Variants in PTPN12 observed in about 807,000 individuals in gnomAD.
The protein encoded by PTPN12 is tyrosine-protein phosphatase non-receptor type 12.
In PTPN12, 29 loss-of-function variants were observed where a neutral mutation model predicts 97.6. The observed-to-expected ratio is 0.30, with a 90% CI of 0.22 to 0.41. The LOEUF (loss-of-function observed/expected upper bound fraction) is 0.41, where lower values mean the gene tolerates loss of function less well. Ranked by LOEUF, PTPN12 falls within the 10% of genes least tolerant of loss-of-function variation. The pLI is 1.00. For synonymous variants in PTPN12, 327 were observed against 300.4 expected (o/e 1.09, Z -0.91); for missense variants, 819 against 926.0 (o/e 0.88, Z 1.50).
At chr7:77,590,872 T>G (rs1300126053) in intron 5 of PTPN12, among the ~76,000 whole-genome samples, 1 of 150,296 alleles carries the variant, frequency 6.7e-6, no homozygotes, top group Non-Finnish European at 1.5e-5. Context: ...CCTCCATCTA[T>G]TAAAAAAAAA....
At chr7:77,575,466 C>T (rs1305302818) in intron 2 of PTPN12, among the ~76,000 whole-genome samples, 1 of 152,124 alleles carries the variant, frequency 6.6e-6, no homozygotes, top group Admixed American at 6.5e-5. Flanking sequence ...TATGATTGCA[C>T]CACTGCACTC....
intron 12 of PTPN12, among the ~76,000 whole-genome samples, chr7:77,622,003 C>A (rs528426739): frequency 5.3e-5 from 8 of 152,148 alleles, no homozygotes; most frequent in Non-Finnish European, 1.0e-4. Context: ...TGCTCTTTTG[C>A]GCAGGCTGGA....
intron 16 of PTPN12, among the ~76,000 whole-genome samples, chr7:77,637,295 G>C (rs1789628840): frequency 6.6e-6 from 1 of 152,092 alleles, no homozygotes; most frequent in Non-Finnish European, 1.5e-5. Context: ...ATGGGAAAGA[G>C]ATTTTTTAAA....
At position 77,581,500 on chromosome 7, in the gene PTPN12, A is replaced by G; in HGVS notation, c.282A>G (p.Ile94Met). The G allele has an allele frequency of 6.4e-7, 1 of 1,562,722 alleles. No homozygotes were observed. The highest frequency in any genetic ancestry group is 1.1e-5 in the South Asian group (1 of 88,752). Reference sequence around the variant, plus strand: ...CAGACTATATCAATGCAAATTTTATAAAGGTATGTACTAACTTTAAATGGT... The same window carrying G: ...CAGACTATATCAATGCAAATTTTATGAAGGTATGTACTAACTTTAAATGGT... ...QDSDYINANF[I>M]KGVYGPKAYV... Residue 94 changes from isoleucine (I) to methionine (M), a missense_variant, in exon 3 of 18, where the codon ATA (isoleucine) becomes ATG (methionine). By Grantham distance (10) the Ile-to-Met change is conservative (BLOSUM62 1). Coordinates refer to ENST00000248594, the MANE Select transcript of PTPN12 (RefSeq NM_002835.4).
At chr7:77,612,424 A>C (rs1271850147) in intron 11 of PTPN12, among the ~76,000 whole-genome samples, 1 of 152,122 alleles carries the variant, frequency 6.6e-6, no homozygotes, top group African/African-American at 2.4e-5. Flanking sequence ...GTAGAATCAA[A>C]TGTGTTTTTG....
chr7:77,625,472 G>GCTCTCTCTCTCTCTCTCTCTCT lies in PTPN12; in HGVS notation c.1026-1203_1026-1182dup, dbSNP rs775712037. On this transcript the variant is annotated intron_variant, in intron 12 of 17. Coordinates refer to ENST00000248594, the MANE Select transcript of PTPN12 (RefSeq NM_002835.4). ...TTTTGCCATATTGCCCAGGCTGCTC[G>GCTCTCTCTCTCTCTCTCTCTCT]CTCTCTCTCTCTCTCTCTCTCTCTC... 9.2e-4 allele frequency among the ~76,000 whole-genome samples: 31 copies of GCTCTCTCTCTCTCTCTCTCTCT among 33,516 alleles called. 1 individual carries two copies. Among genetic ancestry groups the GCTCTCTCTCTCTCTCTCTCTCT allele is most frequent in the Admixed American group, 1.5e-3 (3 of 1,982 alleles). The allele number at this position is 33,516 out of a possible 152,430, so 22.0% of individuals were successfully genotyped here.
chr7:77,605,563 G>C (rs930246931), intron 8 of PTPN12, among the ~76,000 whole-genome samples: 1 of 149,068 alleles, frequency 6.7e-6, no homozygotes, highest in Non-Finnish European at 1.5e-5. Context: ...GGGATTACAG[G>C]CGCCCACTAC....
intron 14 of PTPN12, among the ~76,000 whole-genome samples, chr7:77,634,676 C>G (rs1218286262): frequency 6.6e-6 from 1 of 151,966 alleles, no homozygotes; most frequent in African/African-American, 2.4e-5. Flanking sequence ...CTCCTGACCT[C>G]ATGATCCGCC....
intron 1 of PTPN12, among the ~76,000 whole-genome samples, chr7:77,555,423 G>A (rs1023638515): frequency 1.3e-5 from 2 of 151,810 alleles, no homozygotes; most frequent in African/African-American, 4.8e-5. Context: ...TACATCTCTT[G>A]TAGTTGTCCC....
intron 12 of PTPN12, among the ~76,000 whole-genome samples, chr7:77,621,439 T>C (rs138920028): frequency 0.018 from 2,796 of 152,198 alleles, 34 homozygotes; most frequent in Middle Eastern, 0.071. Context: ...GAGGCCAAGG[T>C]GGGTGGATCA....
intron 6 of PTPN12, among the ~76,000 whole-genome samples, chr7:77,592,742 C>G (rs956880223): frequency 2.0e-5 from 3 of 151,974 alleles, no homozygotes; most frequent in Non-Finnish European, 4.4e-5. Context: ...TGATATGAAA[C>G]TTAAAATGTT....
chr7:77,573,814 G>A (rs752559488), intron 2 of PTPN12, among the ~76,000 whole-genome samples: 15 of 152,176 alleles, frequency 9.9e-5, no homozygotes, highest in Non-Finnish European at 2.1e-4. Flanking sequence ...AGGCTGGAGT[G>A]CAGTGGTGCG....
At chr7:77,561,161 G>T (rs1351305099) in intron 1 of PTPN12, among the ~76,000 whole-genome samples, 2 of 152,112 alleles carry the variant, frequency 1.3e-5, no homozygotes, top group Non-Finnish European at 1.5e-5. Flanking sequence ...AGTGGCACAA[G>T]CGATCCTCCT....
chr7:77,571,126 A>G lies in PTPN12; in HGVS notation c.148A>G (p.Thr50Ala), dbSNP rs759081456. The part of the protein sequence containing the change: ...TKYRTEKIYP[T>A]ATGEKEENVK... ...ATATAGAACAGAAAAGATATATCCC[A>G]CAGCCACTGGAGAAAAAGAAGAAAA... is the stretch of plus-strand genomic sequence containing the variant. The change falls in exon 2 of 18, where the codon ACA becomes GCA. Residue 50 changes from threonine (T) to alanine (A), a missense_variant. Thr to Ala is a moderately conservative substitution (Grantham distance 58, BLOSUM62 0). Transcript: ENST00000248594. The G allele has an allele frequency of 7.5e-6, 12 of 1,603,982 alleles. No homozygotes were observed. The Admixed American group carries it at 1.7e-4, about 23-fold the overall frequency.
Position 77,574,134 on chromosome 7 carries a change from G to A in PTPN12, c.208+2948G>A, listed in dbSNP as rs1394822969. 2.0e-5 allele frequency among the ~76,000 whole-genome samples: 3 copies of A among 152,180 alleles called. No individual in the cohort carries two copies. The South Asian group carries it at 6.2e-4, about 31-fold the overall frequency. ...TTATATGTTAGTCAAGGTGATGGAC[G>A]ATACATATTAACATATATGGTCTGT... On this transcript the variant is annotated intron_variant, in intron 2 of 17. Coordinates refer to ENST00000248594, the MANE Select transcript of PTPN12 (RefSeq NM_002835.4).
chr7:77,640,021 T>C lies in PTPN12; in HGVS notation c.*741T>C, dbSNP rs1789739885. On this transcript the variant is annotated 3_prime_UTR_variant, in exon 18 of 18. Coordinates refer to ENST00000248594, the MANE Select transcript of PTPN12 (RefSeq NM_002835.4). ...AGAAGACTATCAAAATACATGTATGTTTCAGGATATTTGACCTGTCATTAA... is the reference window on the plus strand; with the variant it reads ...AGAAGACTATCAAAATACATGTATGCTTCAGGATATTTGACCTGTCATTAA... 1 of 152,488 alleles carries C rather than the reference T, an allele frequency of 6.6e-6. No homozygotes were observed. The highest frequency in any genetic ancestry group is 1.5e-5 in the Non-Finnish European group (1 of 68,022). The allele number at this position is 152,488 out of a possible 1,614,324, so 9.4% of individuals were successfully genotyped here.
rs750011474 is a variant in PTPN12 at position 77,611,007 on chromosome 7, A to G, written c.900A>G (p.Leu300=). The G allele has an allele frequency of 1.2e-6, 2 of 1,613,442 alleles. No homozygotes were observed. The highest frequency in any genetic ancestry group is 1.7e-5 in the Admixed American group (1 of 60,010). ...IAQLFEKQLQ[L]YEIHGAQKIA... Reference sequence around the variant, plus strand: ...AACTGTTTGAAAAACAGCTACAACTATATGAAATTCATGGAGCTCAGAAAA... The same window carrying G: ...AACTGTTTGAAAAACAGCTACAACTGTATGAAATTCATGGAGCTCAGAAAA... The change falls in exon 11 of 18, where the codon CTA becomes CTG. Residue 300 remains leucine, a synonymous_variant. Transcript: ENST00000248594.
chr7:77,589,822 C>T (rs1215104274), intron 5 of PTPN12, among the ~76,000 whole-genome samples: 1 of 152,126 alleles, frequency 6.6e-6, no homozygotes, highest in Non-Finnish European at 1.5e-5. Flanking sequence ...TTTTAAGTTA[C>T]TGTTAAGGTT....
intron 1 of PTPN12, among the ~76,000 whole-genome samples, chr7:77,559,126 T>G (rs1387397195): frequency 4.6e-5 from 7 of 152,232 alleles, no homozygotes; most frequent in Admixed American, 4.6e-4. Flanking sequence ...CAGCCTCCAA[T>G]AAAAGCCTTG....
Sources: gnomAD v4.1 joint callset for allele counts (sites outside exome capture counted in the v4.1 genomes callset) on GRCh38, gnomAD v4.1.1 for gene constraint, MANE v1.5 for transcripts, NCBI Gene and HGNC (gene_info 2026-07-23, HGNC 2026-07-21) for gene names.